Variants in RABGEF1 observed in about 807,000 individuals in gnomAD.
RABGEF1 encodes RAB guanine nucleotide exchange factor 1.
In RABGEF1, 26 loss-of-function variants were observed where a neutral mutation model predicts 57.3. That is an observed-to-expected ratio of 0.45 (90% CI 0.33 to 0.63). RABGEF1 has a LOEUF of 0.63. Among genes scored for constraint, RABGEF1 ranks in the 20% least tolerant of loss-of-function variants. The pLI, the probability that RABGEF1 is intolerant of heterozygous loss-of-function variation, is 0.02. For missense variants in RABGEF1, 464 were observed against 607.6 expected (o/e 0.76, Z 2.48); for synonymous variants, 185 against 210.7 (o/e 0.88, Z 1.06).
At chr7:66,805,115 A>T in intron 7 of RABGEF1, 25 bp from the exon 8 acceptor site, 1 of 1,562,326 alleles carries the variant, frequency 6.4e-7, no homozygotes, top group Non-Finnish European at 8.8e-7. Context: ...TTCTCCTGGG[A>T]AATATTGTCT....
At chr7:66,704,813 A>C (rs1793771597) in intron 1 of RABGEF1, among the ~76,000 whole-genome samples, 1 of 151,502 alleles carries the variant, frequency 6.6e-6, no homozygotes, top group Admixed American at 6.6e-5. Context: ...TCCGTCTCAA[A>C]AAAAAAAAAA....
chr7:66,783,275 ACATGT>A (rs1228071734), intron 3 of RABGEF1, among the ~76,000 whole-genome samples: 2 of 152,214 alleles, frequency 1.3e-5, no homozygotes, highest in East Asian at 3.8e-4. Flanking sequence ...AAGTCATTTA[ACATGT>A]CAGTGCTTCT....
At chr7:66,807,208 T>C (rs1313933595) in intron 8 of RABGEF1, among the ~76,000 whole-genome samples, 2 of 152,076 alleles carry the variant, frequency 1.3e-5, no homozygotes, top group Admixed American at 6.6e-5. Flanking sequence ...ATTTGTGCCT[T>C]CTCTCTTTGT....
intron 7 of RABGEF1, among the ~76,000 whole-genome samples, chr7:66,799,860 T>C (rs1192495508): frequency 6.6e-6 from 1 of 152,128 alleles, no homozygotes; most frequent in Non-Finnish European, 1.5e-5. Context: ...TGCCTCTGAC[T>C]GGTTGTTAGA....
At chr7:66,694,469 G>A (rs1792024354) in intron 1 of RABGEF1, among the ~76,000 whole-genome samples, 2 of 152,260 alleles carry the variant, frequency 1.3e-5, no homozygotes, top group South Asian at 2.1e-4. Flanking sequence ...AAAGGACCAG[G>A]CCACAGAGGG....
intron 1 of RABGEF1, among the ~76,000 whole-genome samples, chr7:66,766,192 A>T (rs1175296615): frequency 6.6e-6 from 1 of 151,916 alleles, no homozygotes; most frequent in Non-Finnish European, 1.5e-5. Context: ...AACAACAATT[A>T]GCCAGGCATG....
chr7:66,769,485 A>G (rs541878446), intron 1 of RABGEF1, among the ~76,000 whole-genome samples: 2 of 152,264 alleles, frequency 1.3e-5, no homozygotes, highest in Non-Finnish European at 2.9e-5. Flanking sequence ...CACTCTGATC[A>G]GCAGAGCATG....
the RABGEF1 span, among the ~76,000 whole-genome samples, chr7:66,663,598 G>C: frequency 7.2e-6 from 1 of 139,008 alleles, no homozygotes; most frequent in African/African-American, 2.6e-5. Flanking sequence ...AAACTAGTGT[G>C]GGGGAGGGGG....
chr7:66,735,179 C>G (rs1797806735), intron 2 of RABGEF1, among the ~76,000 whole-genome samples: 1 of 152,144 alleles, frequency 6.6e-6, no homozygotes, highest in Non-Finnish European at 1.5e-5. Flanking sequence ...CCTCAAATGC[C>G]TGCCCCATTT....
At chr7:66,687,156 T>G (rs1447221951) in intron 1 of RABGEF1, among the ~76,000 whole-genome samples, 2 of 143,444 alleles carry the variant, frequency 1.4e-5, no homozygotes, top group Non-Finnish European at 3.0e-5. Context: ...GACGGAGTCT[T>G]GCTCTGTTGC....
At chr7:66,687,891 G>A (rs1054289110) in intron 1 of RABGEF1, among the ~76,000 whole-genome samples, 6 of 152,022 alleles carry the variant, frequency 3.9e-5, no homozygotes, top group Admixed American at 6.6e-5. Context: ...TTCAAGACCA[G>A]CCTGACCAAC....
chr7:66,791,732 G>A (rs1812707241), intron 4 of RABGEF1, among the ~76,000 whole-genome samples: 1 of 152,180 alleles, frequency 6.6e-6, no homozygotes, highest in African/African-American at 2.4e-5. Context: ...TCAGCATAAT[G>A]TTCAAAGATA....
chr7:66,762,780 C>T lies in RABGEF1; in HGVS notation c.-17-9103C>T, dbSNP rs145938973. ...TGGAGAAATGGCATTGGGTCCAATA[C>T]GGAGATGAGGGTTGGGTAGGCTGGG... On this transcript the variant is annotated intron_variant, in intron 1 of 8. Transcript: ENST00000284957. Among the ~76,000 whole-genome samples the T allele has an allele frequency of 2.1e-3, 318 of 152,000 alleles. 1 individual carries two copies. Among genetic ancestry groups the T allele is most frequent in the Non-Finnish European group, 2.8e-3 (190 of 67,968 alleles).
intron 6 of RABGEF1, 30 bp downstream of exon 6, chr7:66,797,536 T>A: frequency 6.3e-7 from 1 of 1,596,936 alleles, no homozygotes; most frequent in Middle Eastern, 1.8e-4. Flanking sequence ...TGCTTTGTAG[T>A]TACTACCTTC....
At chr7:66,731,649 C>T (rs887971853) in intron 2 of RABGEF1, among the ~76,000 whole-genome samples, 10 of 152,078 alleles carry the variant, frequency 6.6e-5, no homozygotes, top group South Asian at 2.1e-4. Flanking sequence ...CCCAGGAGTT[C>T]GAGACTGCAG....
the RABGEF1 span, chr7:66,665,319 T>TC: frequency 6.6e-6 from 1 of 151,500 alleles, no homozygotes; most frequent in Non-Finnish European, 1.5e-5. Flanking sequence ...TAATTTTTTT[T>TC]TTTTTGTAGA....
chr7:66,658,978 G>T, the RABGEF1 span, among the ~76,000 whole-genome samples: 1 of 152,002 alleles, frequency 6.6e-6, no homozygotes, highest in African/African-American at 2.4e-5. Context: ...CTCATGATCC[G>T]CCTGCCTTGG....
chr7:66,674,659 A>G, the RABGEF1 span, among the ~76,000 whole-genome samples: 1 of 152,190 alleles, frequency 6.6e-6, no homozygotes, highest in Admixed American at 6.5e-5. Flanking sequence ...TATGGTGGAT[A>G]AATTTCAAAA....
chr7:66,743,329 A>T lies in RABGEF1; in HGVS notation c.-18+2537A>T, dbSNP rs546310988. On this transcript the variant is annotated intron_variant, in intron 1 of 8. Coordinates refer to ENST00000284957, the MANE Select transcript of RABGEF1 (RefSeq NM_014504.3). ...CGTCTCAAAAAAAAGAAAAAAATTT[A>T]AAAAAAAAAAAAAGGCTCTCTCTCT... Among the ~76,000 whole-genome samples the T allele has an allele frequency of 4.0e-4, 57 of 142,980 alleles. 1 individual carries two copies. The highest frequency in any genetic ancestry group is 7.7e-4 in the African/African-American group (30 of 38,816). The allele number at this position is 142,980 out of a possible 152,430, so 93.8% of individuals were successfully genotyped here. A position where few individuals can be genotyped will look rare whatever the true frequency, so the allele number is the denominator to read the frequency against.
Sources: allele counts gnomAD v4.1 joint callset (sites outside exome capture counted in the v4.1 genomes callset), GRCh38; gene constraint gnomAD v4.1.1; transcripts MANE v1.5; gene names NCBI Gene and HGNC (gene_info 2026-07-23, HGNC 2026-07-21).